Variants in AMPH observed in about 807,000 individuals in gnomAD.
The protein encoded by AMPH is amphiphysin.
AMPH carries 49 observed loss-of-function variants against 99.1 expected under a neutral mutation model. The ratio of observed to expected loss-of-function variants is 0.49; its 90% CI spans 0.39 to 0.63. The LOEUF is 0.63. AMPH is among the 20% of genes least tolerant of loss of function. The pLI is 0.00. For synonymous variants in AMPH, 314 were observed against 317.3 expected, an observed-to-expected ratio of 0.99 and a Z score of 0.11; for missense variants, 759 against 863.4, an observed-to-expected ratio of 0.88 and a Z score of 1.52.
At chr7:38,388,448 T>C (rs531940782) in intron 20 of AMPH, among the ~76,000 whole-genome samples, 3 of 152,222 alleles carry the variant, frequency 2.0e-5, no homozygotes, top group Admixed American at 2.0e-4. Flanking sequence ...TTATAGTCCT[T>C]TATTGCATTC....
Position 38,463,105 on chromosome 7 carries a change from C to T in AMPH, c.758G>A (p.Gly253Asp). ...FTIQGAPSDS[G>D]PLRIAKTPSP... Reference sequence around the variant, plus strand: ...TGGTGTCTTTGCAATGCGGAGAGGACCCGAATCACTAGAGGAACACAGGGG... The same window carrying T: ...TGGTGTCTTTGCAATGCGGAGAGGATCCGAATCACTAGAGGAACACAGGGG... The change falls in exon 10 of 21, where the codon GGT becomes GAT. Residue 253 changes from glycine (G) to aspartate (D), a missense_variant. Transcript: ENST00000356264. The T allele has an allele frequency of 6.2e-7, 1 of 1,613,400 alleles. No homozygotes were observed.
chr7:38,617,489 G>C (rs945354738), intron 1 of AMPH, among the ~76,000 whole-genome samples: 1 of 152,202 alleles, frequency 6.6e-6, no homozygotes. Context: ...CGTGCACCAC[G>C]CATTTATGTT....
intron 1 of AMPH, among the ~76,000 whole-genome samples, chr7:38,572,777 A>G (rs1792096156): frequency 6.6e-6 from 1 of 152,072 alleles, no homozygotes; most frequent in South Asian, 2.1e-4. Context: ...TCATTGGCCA[A>G]TCCCAGCCAG....
intron 1 of AMPH, among the ~76,000 whole-genome samples, chr7:38,535,537 A>G (rs1483912008): frequency 6.6e-6 from 1 of 152,188 alleles, no homozygotes; most frequent in Admixed American, 6.5e-5. Context: ...GGATGACTGA[A>G]GCACACTACA....
chr7:38,614,506 T>C (rs1483860303), intron 1 of AMPH, among the ~76,000 whole-genome samples: 3 of 152,232 alleles, frequency 2.0e-5, no homozygotes, highest in South Asian at 2.1e-4. Flanking sequence ...CTGGGAAACA[T>C]CTGCCCTTTG....
In AMPH at chr7:38,475,328, T is replaced by A; in HGVS notation, c.590+3A>T. ...TGTGCAACCCATAGAGAAACATTTTTACCTTGACCATAATGATGGTAACTC... is the reference window on the plus strand; with the variant it reads ...TGTGCAACCCATAGAGAAACATTTTAACCTTGACCATAATGATGGTAACTC... On this transcript the variant is annotated splice_donor_region_variant and intron_variant, in intron 7 of 20. Transcript: ENST00000356264. The A allele has an allele frequency of 6.2e-7, 1 of 1,604,042 alleles. No homozygotes were observed. The highest frequency in any genetic ancestry group is 8.5e-7 in the Non-Finnish European group (1 of 1,171,444).
chr7:38,393,209 G>A (rs1784565953), intron 18 of AMPH, among the ~76,000 whole-genome samples: 2 of 152,132 alleles, frequency 1.3e-5, no homozygotes, highest in Admixed American at 6.5e-5. Flanking sequence ...ATCTGCCTCA[G>A]CCCCCAGCCC....
At chr7:38,524,362 T>C (rs935777409) in intron 2 of AMPH, among the ~76,000 whole-genome samples, 5 of 152,196 alleles carry the variant, frequency 3.3e-5, no homozygotes, top group African/African-American at 1.2e-4. Context: ...ATACAGGCCC[T>C]TTAAAAAACA....
intron 1 of AMPH, among the ~76,000 whole-genome samples, chr7:38,537,682 G>A (rs1007043759): frequency 3.3e-5 from 5 of 152,320 alleles, no homozygotes; most frequent in African/African-American, 4.8e-5. Flanking sequence ...TAAACAGATC[G>A]TCAATATGAG....
intron 1 of AMPH, among the ~76,000 whole-genome samples, chr7:38,569,226 T>C (rs183508490): frequency 8.0e-4 from 121 of 152,182 alleles, no homozygotes; most frequent in Non-Finnish European, 7.4e-5. Context: ...AAATGACTTT[T>C]GTACAAATAC....
intron 1 of AMPH, among the ~76,000 whole-genome samples, chr7:38,557,542 G>A (rs566371372): frequency 2.6e-5 from 4 of 152,132 alleles, no homozygotes; most frequent in South Asian, 2.1e-4. Context: ...CTTCCCCTTC[G>A]GCCATGATTG....
intron 11 of AMPH, among the ~76,000 whole-genome samples, chr7:38,445,012 C>CATATATACATGGTATATACATATATATAT (rs1786711627): frequency 5.3e-5 from 7 of 133,034 alleles, no homozygotes; most frequent in African/African-American, 2.0e-4. Context: ...TATATATATA[C>CATATATACATGGTATATACATATATATAT]ACACACACAC....
At chr7:38,413,858 A>G (rs1785287848) in intron 17 of AMPH, among the ~76,000 whole-genome samples, 1 of 152,224 alleles carries the variant, frequency 6.6e-6, no homozygotes, top group African/African-American at 2.4e-5. Context: ...GAGAGATCAC[A>G]TCTAGAGGCA....
rs571361495 is a variant in AMPH, at chr7:38,583,003, G to C, written c.70-47992C>G. ...TTAGAATGGTTCACCACACATAAGA[G>C]TCAACAATGTATTGACAATCTCATG... On this transcript the variant is annotated intron_variant, in intron 1 of 20. Transcript: ENST00000356264. Among the ~76,000 whole-genome samples, 8 of 152,270 alleles carry C rather than the reference G, an allele frequency of 5.3e-5. 1 individual carries two copies. In the East Asian group the frequency reaches 1.5e-3, roughly 29 times the overall value.
chr7:38,384,832 G>C lies in AMPH; in HGVS notation c.2074C>G (p.Arg692Gly), dbSNP rs746689644. ...YKGLFPENFTRRLD is the reference protein window; with the variant it reads ...YKGLFPENFTGRLD ...TACTTGTTGCCCTAATCTAAGCGTC[G>C]GGTGAAGTTCTCTGGAAAGAGGCCT... is the stretch of plus-strand genomic sequence containing the variant. Residue 692 changes from arginine to glycine, a missense_variant, in exon 21 of 21, where the codon CGA (arginine) becomes GGA (glycine). This residue lies in a region of AMPH where 554 missense variants were observed against 575.6 expected (regional missense o/e 0.96). Coordinates refer to ENST00000356264, the MANE Select transcript of AMPH (RefSeq NM_001635.4). 6.2e-7 allele frequency: 1 copy of C among 1,613,746 alleles called. No homozygotes were observed. The highest frequency in any genetic ancestry group is 1.1e-5 in the South Asian group (1 of 91,048).
In AMPH at chr7:38,536,061, A is replaced by C. The variant is rs146880552; in HGVS notation, c.70-1050T>G. On this transcript the variant is annotated intron_variant, in intron 1 of 20. Transcript: ENST00000356264. ...GGATACTCAAGGCCCCATGCTAAAC[A>C]CGGGTCACCCAGAAATACTAAAAAA... is the stretch of plus-strand genomic sequence containing the variant. 9.2e-5 allele frequency among the ~76,000 whole-genome samples: 14 copies of C among 152,278 alleles called. No homozygotes were observed. In the East Asian group the frequency reaches 2.7e-3, roughly 29 times the overall value.
At chr7:38,603,694 A>T (rs1467528343) in intron 1 of AMPH, among the ~76,000 whole-genome samples, 1 of 152,128 alleles carries the variant, frequency 6.6e-6, no homozygotes, top group Non-Finnish European at 1.5e-5. Context: ...GAGGTTCTGA[A>T]ACCCAGCATG....
At chr7:38,464,829 G>A in intron 9 of AMPH, among the ~76,000 whole-genome samples, 1 of 152,128 alleles carries the variant, frequency 6.6e-6, no homozygotes, top group Non-Finnish European at 1.5e-5. Context: ...ACGAAGGATG[G>A]AATAAAAAGG....
chr7:38,395,301 T>C (rs1205370182), intron 17 of AMPH, among the ~76,000 whole-genome samples: 3 of 152,186 alleles, frequency 2.0e-5, no homozygotes, highest in South Asian at 2.1e-4. Flanking sequence ...TAATCAAATA[T>C]GCATGGTAAT....
Sources: allele counts gnomAD v4.1 joint callset (sites outside exome capture counted in the v4.1 genomes callset), GRCh38; gene constraint gnomAD v4.1.1; regional missense constraint gnomAD v4.1.1; transcripts MANE v1.5; gene names NCBI Gene and HGNC (gene_info 2026-07-23, HGNC 2026-07-21).